ATG7: variants seen among roughly 807,000 people sequenced by gnomAD.
The protein encoded by ATG7 is autophagy related 7.
Under a neutral mutation model 82.4 loss-of-function variants are expected in ATG7, and 70 were observed. The observed-to-expected ratio is 0.85, with a 90% CI of 0.70 to 1.04. The LOEUF is 1.04. Ranked by LOEUF, ATG7 falls within the 50% of genes least tolerant of loss-of-function variation. The pLI, the probability that ATG7 is intolerant of heterozygous loss-of-function variation, is 0.00. For missense variants in ATG7, 792 were observed against 864.3 expected (o/e 0.92, Z 1.05); for synonymous variants, 287 against 313.0 (o/e 0.92, Z 0.88).
At chr3:11,438,749 G>T (rs1228542497) in intron 20 of ATG7, among the ~76,000 whole-genome samples, 1 of 152,044 alleles carries the variant, frequency 6.6e-6, no homozygotes, top group Non-Finnish European at 1.5e-5. Flanking sequence ...GGTTTTTCAA[G>T]ATCTAATATG....
At chr3:11,279,407 T>G (rs1198296350) in intron 1 of ATG7, among the ~76,000 whole-genome samples, 1 of 152,160 alleles carries the variant, frequency 6.6e-6, no homozygotes, top group Non-Finnish European at 1.5e-5. Context: ...TTGGCTTGGC[T>G]GGGTGTGGTG....
rs546433479 is a variant in ATG7, at chr3:11,281,701, G to A, written c.-256-492G>A. Among the ~76,000 whole-genome samples the A allele has an allele frequency of 2.0e-5, 3 of 151,374 alleles. No homozygotes were observed. The South Asian group carries it at 6.2e-4, about 32-fold the overall frequency. Reference sequence around the variant, plus strand: ...AGGCAGGAGAATTGCTTGAACGTGGGAGGCAGAGGTTGCAGTGAGCCGAGA... The same window carrying A: ...AGGCAGGAGAATTGCTTGAACGTGGAAGGCAGAGGTTGCAGTGAGCCGAGA... On this transcript the variant is annotated intron_variant, in intron 2 of 20. Coordinates refer to ENST00000693202, the MANE Select transcript of ATG7 (RefSeq NM_001349232.2).
intron 20 of ATG7, among the ~76,000 whole-genome samples, chr3:11,505,481 A>G (rs1235259647): frequency 6.6e-6 from 1 of 152,256 alleles, no homozygotes; most frequent in Non-Finnish European, 1.5e-5. Context: ...TTGTTTTAAC[A>G]TAACATTATT....
At chr3:11,554,711 C>T (rs772928878) in intron 20 of ATG7, 100 bp from the exon 21 acceptor site, 4 of 1,401,022 alleles carry the variant, frequency 2.9e-6, no homozygotes, top group Non-Finnish European at 4.0e-6. Context: ...AGTGGTTCTG[C>T]AGGTGGGAGC....
intron 20 of ATG7, among the ~76,000 whole-genome samples, chr3:11,434,582 T>G (rs1200119859): frequency 6.6e-6 from 1 of 152,234 alleles, no homozygotes; most frequent in Non-Finnish European, 1.5e-5. Flanking sequence ...GCCTGGTTTT[T>G]GAAATAAAGC....
chr3:11,286,518 C>T (rs1486385122), intron 3 of ATG7, among the ~76,000 whole-genome samples: 1 of 134,484 alleles, frequency 7.4e-6, no homozygotes. Flanking sequence ...GGGAGGATAT[C>T]TATAGAAAGT....
intron 1 of ATG7, among the ~76,000 whole-genome samples, chr3:11,274,608 G>A (rs1941298082): frequency 2.6e-5 from 4 of 152,152 alleles, no homozygotes; most frequent in African/African-American, 4.8e-5. Context: ...GCCACATCGT[G>A]AAGGGCCCTG....
At chr3:11,432,023 A>G (rs2082938898) in intron 20 of ATG7, among the ~76,000 whole-genome samples, 1 of 152,234 alleles carries the variant, frequency 6.6e-6, no homozygotes, top group South Asian at 2.1e-4. Context: ...TGGTATAATC[A>G]TACTGCTGTT....
chr3:11,533,039 G>A (rs995837321), intron 20 of ATG7, among the ~76,000 whole-genome samples: 5 of 152,182 alleles, frequency 3.3e-5, no homozygotes, highest in African/African-American at 9.6e-5. Context: ...CAGCCTGAGC[G>A]GGAATGACTG....
intron 20 of ATG7, among the ~76,000 whole-genome samples, chr3:11,476,372 A>G (rs1034867796): frequency 4.6e-5 from 7 of 150,958 alleles, no homozygotes; most frequent in Non-Finnish European, 8.8e-5. Context: ...TGCGTCAACA[A>G]TGGCTGGTAG....
In ATG7 at chr3:11,362,858, C is replaced by T. The variant is rs1253457471; in HGVS notation, c.1729C>T (p.Pro577Ser). Residue 577 changes from proline (P) to serine (S), a missense_variant, in exon 17 of 21, where the codon CCA becomes TCA. By Grantham distance (74) the Pro-to-Ser change is moderately conservative. Coordinates refer to ENST00000693202, the MANE Select transcript of ATG7 (RefSeq NM_001349232.2). ...TLDQQCTVSR[P>S]GLAVIAGALA... ...GGACCAGCAGTGCACTGTGAGTCGT[C>T]CAGGACTGGCCGTGATTGCAGGAGC... The T allele has an allele frequency of 6.2e-7, 1 of 1,614,058 alleles. No individual in the cohort carries two copies. Among genetic ancestry groups the T allele is most frequent in the South Asian group, 1.1e-5 (1 of 91,066 alleles).
chr3:11,471,275 G>A (rs1367244974), intron 20 of ATG7, among the ~76,000 whole-genome samples: 1 of 152,114 alleles, frequency 6.6e-6, no homozygotes, highest in Non-Finnish European at 1.5e-5. Flanking sequence ...TGGCCCTGGC[G>A]CTCTGGACTC....
At chr3:11,310,278 C>T (rs1948443752) in intron 7 of ATG7, among the ~76,000 whole-genome samples, 1 of 152,136 alleles carries the variant, frequency 6.6e-6, no homozygotes, top group Non-Finnish European at 1.5e-5. Context: ...GGCATATAAA[C>T]ACAGTAATGT....
intron 3 of ATG7, among the ~76,000 whole-genome samples, chr3:11,284,399 G>T (rs1350010444): frequency 6.6e-6 from 1 of 152,142 alleles, no homozygotes; most frequent in African/African-American, 2.4e-5. Flanking sequence ...TTATGGAAAT[G>T]ATTTCTCATT....
intron 13 of ATG7, among the ~76,000 whole-genome samples, chr3:11,342,880 TAGAG>T (rs917305502): frequency 1.3e-5 from 2 of 152,032 alleles, no homozygotes; most frequent in Non-Finnish European, 2.9e-5. Context: ...ATTACTGTGT[TAGAG>T]AGAGTATAGA....
chr3:11,452,384 CAAAA>C (rs34530409), intron 20 of ATG7, among the ~76,000 whole-genome samples: 5 of 58,416 alleles, frequency 8.6e-5, no homozygotes, highest in East Asian at 6.1e-4. Flanking sequence ...GAACCTGTCT[CAAAA>C]AAAAAAAAAA....
downstream of ATG7, among the ~76,000 whole-genome samples, chr3:11,562,355 G>A (rs2073098782): frequency 6.6e-6 from 1 of 152,068 alleles, no homozygotes. Context: ...GAACTTTCCT[G>A]TCCCAGTTCC....
Position 11,333,056 on chromosome 3 carries a change from C to A in ATG7, c.852C>A (p.Ile284=), listed in dbSNP as rs758939214. Residue 284 remains isoleucine, a synonymous_variant, in exon 11 of 21, where the codon ATC becomes ATA. Transcript: ENST00000693202. The part of the protein sequence containing the change: ...QGARDVAHSI[I]FEVKLPEMAF... ...CGAGAGACGTTGCCCACAGCATCAT[C>A]TTCGAAGTGAAGCTTCCAGAAATGG... 2 of 1,566,168 alleles carry A rather than the reference C, an allele frequency of 1.3e-6. No individual in the cohort carries two copies. Among genetic ancestry groups the A allele is most frequent in the Non-Finnish European group, 1.7e-6 (2 of 1,156,472 alleles).
At chr3:11,573,349 AAGAAAGAAAGAAAGAAAGAAAG>A in the ATG7 span, among the ~76,000 whole-genome samples, 4 of 100,682 alleles carry the variant, frequency 4.0e-5, no homozygotes, top group Non-Finnish European at 7.2e-5. Context: ...GAAAGAAAGA[AAGAAAGAAAGAAAGAAAGAAAG>A]AAAGAAAGAA....
Sources: allele counts gnomAD v4.1 joint callset (sites outside exome capture counted in the v4.1 genomes callset), GRCh38; gene constraint gnomAD v4.1.1; transcripts MANE v1.5; gene names NCBI Gene and HGNC (gene_info 2026-07-23, HGNC 2026-07-21).